Variants in GTF2IRD1 observed in about 807,000 individuals in gnomAD.
GTF2IRD1 encodes GTF2I repeat domain containing 1.
Under a neutral mutation model 113.2 loss-of-function variants are expected in GTF2IRD1, and 26 were observed. The observed-to-expected ratio is 0.23, with a 90% CI of 0.17 to 0.32. The LOEUF is 0.32. Ranked by LOEUF, GTF2IRD1 falls within the 10% of genes least tolerant of loss-of-function variation. The pLI is 1.00. For missense variants in GTF2IRD1, 864 were observed against 1,280.8 expected (o/e 0.67, Z 4.97); for synonymous variants, 484 against 529.1 (o/e 0.91, Z 1.17).
chr7:74,518,382 G>A lies in GTF2IRD1; in HGVS notation c.605+60G>A, dbSNP rs372475898. The A allele has an allele frequency of 7.7e-4, 1,049 of 1,359,784 alleles. 4 individuals carry two copies. The African/African-American group carries it at 0.011, about 14-fold the overall frequency. The allele number at this position is 1,359,784 out of a possible 1,614,324, so 84.2% of individuals were successfully genotyped here. The stretch of plus-strand genomic sequence containing the variant: ...GCTGGGCCAGGGCCGGGTCAGGGCC[G>A]GGGGCTGGAGGCCACTTAGCCAGAG... On this transcript the variant is annotated intron_variant, in intron 5 of 26. Transcript: ENST00000424337.
At chr7:74,484,185 T>C (rs37613) in intron 1 of GTF2IRD1, among the ~76,000 whole-genome samples, 95,809 of 152,198 alleles carry the variant, frequency 0.63, 31,063 homozygotes, top group Admixed American at 0.74. Flanking sequence ...GTCAGCGTAA[T>C]GGCAATGAAC....
chr7:74,511,623 C>G (rs1305750411), intron 2 of GTF2IRD1, among the ~76,000 whole-genome samples: 1 of 152,254 alleles, frequency 6.6e-6, no homozygotes, highest in Non-Finnish European at 1.5e-5. Context: ...CGTGCACCTT[C>G]CTAACCAGAG....
At chr7:74,538,849 C>T (rs782780039) in intron 13 of GTF2IRD1, 89 bp downstream of exon 13, 4 of 737,394 alleles carry the variant, frequency 5.4e-6, no homozygotes, top group Non-Finnish European at 9.5e-6. Context: ...GAAGTGGCCT[C>T]CAGGCCGCTG....
intron 22 of GTF2IRD1, among the ~76,000 whole-genome samples, chr7:74,579,384 G>A (rs1464779301): frequency 5.3e-5 from 8 of 152,082 alleles, no homozygotes; most frequent in Non-Finnish European, 7.4e-5. Flanking sequence ...TTGGGAGACC[G>A]AGGCAGGCGG....
In GTF2IRD1 at chr7:74,519,359, T is replaced by C. The variant is rs782446309; in HGVS notation, c.606-50T>C. 5 of 1,299,424 alleles carry C rather than the reference T, an allele frequency of 3.8e-6. No homozygotes were observed. In the African/African-American group the frequency reaches 4.5e-5, roughly 12 times the overall value. 80.5% of individuals were successfully genotyped at this position (1,299,424 alleles called of 1,614,324 possible). ...GGGGTTTTCGGGGGAAGAGCTGCAA[T>C]GTGTGAAACAGATGTACAAAGCTGT... is the stretch of plus-strand genomic sequence containing the variant. On this transcript the variant is annotated intron_variant, in intron 5 of 26. Coordinates refer to ENST00000424337, the MANE Select transcript of GTF2IRD1 (RefSeq NM_005685.4).
At chr7:74,573,895 T>C (rs1034126576) in intron 22 of GTF2IRD1, among the ~76,000 whole-genome samples, 15 of 152,352 alleles carry the variant, frequency 9.8e-5, no homozygotes, top group Admixed American at 5.9e-4. Context: ...GTCACTCATT[T>C]GTGCACAGGC....
intron 1 of GTF2IRD1, among the ~76,000 whole-genome samples, chr7:74,468,021 G>A (rs899042007): frequency 2.6e-5 from 4 of 152,146 alleles, no homozygotes; most frequent in Non-Finnish European, 4.4e-5. Context: ...TGAGGCCACC[G>A]GCGGTGACGA....
intron 1 of GTF2IRD1, among the ~76,000 whole-genome samples, chr7:74,480,661 C>T (rs983465595): frequency 6.6e-6 from 1 of 152,182 alleles, no homozygotes; most frequent in Admixed American, 6.5e-5. Flanking sequence ...AAACCTGAAC[C>T]GCGGAGCCGT....
intron 8 of GTF2IRD1, among the ~76,000 whole-genome samples, chr7:74,528,739 A>G (rs1341067871): frequency 7.4e-6 from 1 of 134,898 alleles, no homozygotes; most frequent in African/African-American, 2.7e-5. Context: ...GGATGGATGG[A>G]TGGATGGATG....
At chr7:74,471,796 A>G (rs1554332475) in intron 1 of GTF2IRD1, among the ~76,000 whole-genome samples, 1 of 151,644 alleles carries the variant, frequency 6.6e-6, no homozygotes, top group Non-Finnish European at 1.5e-5. Flanking sequence ...GATTGAGACC[A>G]TCCTGGCCAA....
At chr7:74,502,844 G>A (rs782272186) in intron 1 of GTF2IRD1, among the ~76,000 whole-genome samples, 1 of 152,176 alleles carries the variant, frequency 6.6e-6, no homozygotes, top group Non-Finnish European at 1.5e-5. Context: ...CACCTGGCTG[G>A]GTGTAAGAGT....
At chr7:74,536,339 A>C (rs1798296314) in intron 11 of GTF2IRD1, 64 bp downstream of exon 11, 1 of 1,002,662 alleles carries the variant, frequency 1.0e-6, no homozygotes, top group Non-Finnish European at 1.6e-6. Context: ...AGGCAGTGTT[A>C]CCTGCAAGGG....
intron 17 of GTF2IRD1, among the ~76,000 whole-genome samples, chr7:74,550,048 A>G (rs1399558143): frequency 6.9e-6 from 1 of 145,654 alleles, no homozygotes; most frequent in African/African-American, 2.6e-5. Flanking sequence ...AAAAAAAAAA[A>G]TTAGCCAGGC....
At chr7:74,492,317 C>T (rs989243658) in intron 1 of GTF2IRD1, among the ~76,000 whole-genome samples, 2 of 151,978 alleles carry the variant, frequency 1.3e-5, no homozygotes, top group African/African-American at 2.4e-5. Flanking sequence ...ACTACAGGTG[C>T]CTGCCACCAC....
intron 10 of GTF2IRD1, 73 bp downstream of exon 10, chr7:74,535,211 C>T: frequency 2.4e-6 from 3 of 1,235,694 alleles, no homozygotes; most frequent in Non-Finnish European, 3.6e-6. Context: ...CTGCCACCAC[C>T]CTGGACTTGG....
chr7:74,506,486 A>G (rs1159523432), intron 1 of GTF2IRD1: 2 of 152,158 alleles, frequency 1.3e-5, no homozygotes, highest in Non-Finnish European at 1.5e-5. Flanking sequence ...CCCTGTCTGC[A>G]GGTAGGAGAC....
chr7:74,500,430 A>G (rs1473097926), intron 1 of GTF2IRD1, among the ~76,000 whole-genome samples: 1 of 151,928 alleles, frequency 6.6e-6, no homozygotes, highest in Non-Finnish European at 1.5e-5. Context: ...TGTTAAAAAA[A>G]AAAAAAAAGA....
At chr7:74,454,268 G>C (rs1391521642) in intron 1 of GTF2IRD1, 92 bp downstream of exon 1, 5 of 150,564 alleles carry the variant, frequency 3.3e-5, no homozygotes, top group Non-Finnish European at 7.4e-5. Context: ...CCGGGGGGGG[G>C]GGTCCCCGCC....
rs547030667 is a variant in GTF2IRD1 at position 74,509,765 on chromosome 7, C to G, written c.123+1562C>G. 1.8e-4 allele frequency among the ~76,000 whole-genome samples: 27 copies of G among 151,448 alleles called. No homozygotes were observed. In the East Asian group the frequency reaches 2.6e-3, roughly 14 times the overall value. Reference sequence around the variant, plus strand: ...TCGACTCACTGCAACCTCCGCCTCCCAGGTTCAAGCAATTCTCCTGCCTCA... The same window carrying G: ...TCGACTCACTGCAACCTCCGCCTCCGAGGTTCAAGCAATTCTCCTGCCTCA... On this transcript the variant is annotated intron_variant, in intron 2 of 26. Coordinates refer to ENST00000424337, the MANE Select transcript of GTF2IRD1 (RefSeq NM_005685.4).
Sources: gnomAD v4.1 joint callset for allele counts (sites outside exome capture counted in the v4.1 genomes callset) on GRCh38, gnomAD v4.1.1 for gene constraint, MANE v1.5 for transcripts, NCBI Gene and HGNC (gene_info 2026-07-23, HGNC 2026-07-21) for gene names.